Variants in DNAI2 observed in about 807,000 individuals in gnomAD.
The protein encoded by DNAI2 is dynein axonemal intermediate chain 2, also known as dynein, axonemal, intermediate polypeptide 2.
In DNAI2, 63 loss-of-function variants were observed where a neutral mutation model predicts 74.7. The observed-to-expected ratio is 0.84, with a 90% CI of 0.69 to 1.04. The LOEUF (loss-of-function observed/expected upper bound fraction) is 1.04, where lower values mean the gene tolerates loss of function less well. Among genes scored for constraint, DNAI2 ranks in the 50% least tolerant of loss-of-function variants. The probability of loss-of-function intolerance (pLI) is 0.00; values close to 1 mark genes in which losing one functional copy is unlikely to be tolerated. For missense variants in DNAI2, 688 were observed against 803.2 expected (o/e 0.86, Z 1.73); for synonymous variants, 289 against 314.9 (o/e 0.92, Z 0.87).
chr17:74,295,236 A>AAAAAAAAAAG, intron 6 of DNAI2, among the ~76,000 whole-genome samples: 1 of 110,078 alleles, frequency 9.1e-6, no homozygotes, highest in Non-Finnish European at 2.3e-5. Context: ...CTCTACTTAA[A>AAAAAAAAAAG]AAAAAAAAAA....
intron 9 of DNAI2, among the ~76,000 whole-genome samples, chr17:74,308,358 T>C (rs182441253): frequency 1.8e-4 from 27 of 152,188 alleles, no homozygotes; most frequent in Non-Finnish European, 3.8e-4. Flanking sequence ...GAAGTGACAC[T>C]CTCCTTATCT....
rs149926751 is a variant in DNAI2 at position 74,293,766 on chromosome 17, T to C, written c.724+2633T>C. On this transcript the variant is annotated intron_variant, in intron 6 of 13. Coordinates refer to ENST00000311014, the MANE Select transcript of DNAI2 (RefSeq NM_023036.6). ...TCTTGTAGATTACATGTAGCTGGCA[T>C]ACAAGTGAATCATAGTTTTGTTTTG... Among the ~76,000 whole-genome samples, 658 of 144,498 alleles carry C rather than the reference T, an allele frequency of 4.6e-3. 3 individuals carry two copies. Among genetic ancestry groups the C allele is most frequent in the African/African-American group, 0.015 (612 of 40,468 alleles). 94.8% of individuals were successfully genotyped at this position (144,498 alleles called of 152,430 possible).
At chr17:74,289,533 AAGGG>A in intron 4 of DNAI2, 57 bp from the exon 5 acceptor site, 4 of 1,576,072 alleles carry the variant, frequency 2.5e-6, no homozygotes, top group Non-Finnish European at 3.4e-6. Flanking sequence ...AAAAAAAAAA[AAGGG>A]GGAGAAATTG....
At chr17:74,298,705 C>T (rs2052588782) in intron 6 of DNAI2, among the ~76,000 whole-genome samples, 1 of 152,112 alleles carries the variant, frequency 6.6e-6, no homozygotes, top group Non-Finnish European at 1.5e-5. Context: ...CAGGCTCAAG[C>T]AATTCTCCCA....
chr17:74,304,167 TTTTTTC>T (rs1398769495), intron 8 of DNAI2, among the ~76,000 whole-genome samples: 2 of 149,584 alleles, frequency 1.3e-5, no homozygotes, highest in Non-Finnish European at 3.0e-5. Context: ...TTTTCTTTTC[TTTTTTC>T]TTTTTCTTTT....
At chr17:74,282,577 A>G (rs1184348702) in intron 2 of DNAI2, among the ~76,000 whole-genome samples, 5 of 152,240 alleles carry the variant, frequency 3.3e-5, no homozygotes, top group African/African-American at 1.2e-4. Flanking sequence ...CTGGGAATAC[A>G]GGCATGAGCC....
rs552866790 is a variant in DNAI2 at position 74,306,681 on chromosome 17, G to A, written c.1211+1239G>A. On this transcript the variant is annotated intron_variant, in intron 9 of 13. Transcript: ENST00000311014. ...CACCCAGGCTGAAGTGCAATGGCGA[G>A]ATCTCGGCTCACTGCAACCTCCACC... is the stretch of plus-strand genomic sequence containing the variant. Among the ~76,000 whole-genome samples, 151 of 152,288 alleles carry A rather than the reference G, an allele frequency of 9.9e-4. 1 individual carries two copies. The highest frequency in any genetic ancestry group is 3.2e-3 in the African/African-American group (133 of 41,570).
intron 7 of DNAI2, 120 bp downstream of exon 7, chr17:74,299,977 T>G: frequency 6.9e-7 from 1 of 1,439,944 alleles, no homozygotes. Flanking sequence ...AGATGGAGTT[T>G]CACTCTTGTT....
chr17:74,313,904 G>A (rs912670673), intron 12 of DNAI2: 12 of 626,796 alleles, frequency 1.9e-5, no homozygotes, highest in African/African-American at 3.7e-5. Flanking sequence ...GAAGCCAGGC[G>A]TGAACCCAAG....
chr17:74,294,363 G>T (rs940148846), intron 6 of DNAI2, among the ~76,000 whole-genome samples: 1 of 148,958 alleles, frequency 6.7e-6, no homozygotes, highest in African/African-American at 2.5e-5. Flanking sequence ...AAGCTGGAGC[G>T]CAGTGCTGTG....
intron 11 of DNAI2, among the ~76,000 whole-genome samples, chr17:74,310,749 G>C (rs1191583180): frequency 6.6e-6 from 1 of 152,082 alleles, no homozygotes; most frequent in African/African-American, 2.4e-5. Context: ...ATACTGGCCA[G>C]GCTGGTCTTG....
intron 1 of DNAI2, among the ~76,000 whole-genome samples, chr17:74,276,201 C>G (rs2051067523): frequency 6.6e-6 from 1 of 152,184 alleles, no homozygotes; most frequent in Non-Finnish European, 1.5e-5. Context: ...TCTCACTGCA[C>G]AAGACGAGTT....
At position 74,310,043 on chromosome 17, in the gene DNAI2, C is replaced by G. The variant is rs2053423756; in HGVS notation, c.1374C>G (p.Leu458=). Residue 458 remains leucine, a synonymous_variant, in exon 11 of 14, where the codon CTC becomes CTG. Coordinates refer to ENST00000311014, the MANE Select transcript of DNAI2 (RefSeq NM_023036.6). ...LKVCDEALFC[L]RVQDNGCLIA... ...TGTGTGACGAGGCCCTCTTCTGCCT[C>G]CGGGTGCAGGACAATGGGTGTCTCA... is the stretch of plus-strand genomic sequence containing the variant. The G allele has an allele frequency of 3.1e-6, 5 of 1,613,812 alleles. No individual in the cohort carries two copies. Among genetic ancestry groups the G allele is most frequent in the Non-Finnish European group, 4.2e-6 (5 of 1,180,048 alleles).
rs2053377647 is a variant in DNAI2 at position 74,309,402 on chromosome 17, C to G, written c.1347+14C>G. 1 of 1,614,008 alleles carries G rather than the reference C, an allele frequency of 6.2e-7. No homozygotes were observed. The highest frequency in any genetic ancestry group is 1.3e-5 in the African/African-American group (1 of 74,926). On this transcript the variant is annotated intron_variant, in intron 10 of 13. Transcript: ENST00000311014. The stretch of plus-strand genomic sequence containing the variant: ...CTCAGCTTGAAGGTCACGCGCATGT[C>G]CCTCCTTGTGCATCCAGGTCCTCAG...
intron 11 of DNAI2, among the ~76,000 whole-genome samples, chr17:74,311,762 C>A (rs2053540558): frequency 2.0e-5 from 3 of 152,342 alleles, no homozygotes; most frequent in East Asian, 1.9e-4. Flanking sequence ...CGCTCTTCTG[C>A]CTGTGGTTCT....
Position 74,300,754 on chromosome 17 carries a change from GCATA to G in DNAI2, c.865-291_865-288del, listed in dbSNP as rs1290529802. Among the ~76,000 whole-genome samples the G allele has an allele frequency of 6.6e-6, 1 of 152,166 alleles. No homozygotes were observed. Among genetic ancestry groups the G allele is most frequent in the African/African-American group, 2.4e-5 (1 of 41,402 alleles). On this transcript the variant is annotated intron_variant, in intron 7 of 13. Transcript: ENST00000311014. This position sits in a 1 kb window ranked among gnomAD's most constrained non-coding sequence, Gnocchi z 4.5. ...TATTGCCTTATTGTGGGGAGTCTTG[GCATA>G]TACCGATTCTTGGCCTTGCACCTGG...
At chr17:74,280,949 A>G (rs2051353075) in intron 1 of DNAI2, among the ~76,000 whole-genome samples, 1 of 151,830 alleles carries the variant, frequency 6.6e-6, no homozygotes. Flanking sequence ...TTAGCCAGGC[A>G]TGGTACTGCA....
intron 5 of DNAI2, 86 bp from the exon 6 acceptor site, chr17:74,290,934 C>A: frequency 3.3e-6 from 4 of 1,199,064 alleles, no homozygotes; most frequent in Non-Finnish European, 5.0e-6. Flanking sequence ...CATGCCCCCG[C>A]TACCCACCCG....
intron 12 of DNAI2, 30 bp downstream of exon 12, chr17:74,312,260 T>TGGGGGGGTTG: frequency 2.4e-6 from 1 of 424,126 alleles, no homozygotes; most frequent in African/African-American, 2.7e-5. Context: ...TTGGGTGGGT[T>TGGGGGGGTTG]GGGGACTGGG....
Sources: gnomAD v4.1 joint callset for allele counts (sites outside exome capture counted in the v4.1 genomes callset) on GRCh38, gnomAD v4.1.1 for gene constraint, Gnocchi (gnomAD v3.1) non-coding constraint, MANE v1.5 for transcripts, NCBI Gene and HGNC (gene_info 2026-07-23, HGNC 2026-07-21) for gene names.